The following SMC2 variants were observed in gnomAD, a reference collection of about 807,000 sequenced individuals.
The protein encoded by SMC2 is structural maintenance of chromosomes 2.
A neutral mutation model predicts 142.6 loss-of-function variants in SMC2; 41 were observed. That is an observed-to-expected ratio of 0.29 (90% CI 0.22 to 0.37). The LOEUF (loss-of-function observed/expected upper bound fraction) is 0.37. Ranked by LOEUF, SMC2 falls within the 10% of genes least tolerant of loss-of-function variation. SMC2 has a pLI of 1.00. For synonymous variants in SMC2, 463 were observed against 457.5 expected (o/e 1.01, Z -0.15); for missense variants, 1,265 against 1,373.7 (o/e 0.92, Z 1.25).
chr9:104,101,024 A>G (rs1831060337), intron 7 of SMC2, among the ~76,000 whole-genome samples: 1 of 151,990 alleles, frequency 6.6e-6, no homozygotes, highest in Non-Finnish European at 1.5e-5. Flanking sequence ...TGCAGCCTCC[A>G]CCTCCCGGTC....
intron 23 of SMC2, chr9:104,135,893 G>C: frequency 1.9e-6 from 1 of 518,710 alleles, no homozygotes; most frequent in Non-Finnish European, 3.8e-6. Flanking sequence ...CCATACTACA[G>C]GTTAAAGGAA....
intron 3 of SMC2, among the ~76,000 whole-genome samples, chr9:104,097,394 C>T (rs1353595018): frequency 3.5e-5 from 5 of 141,732 alleles, no homozygotes; most frequent in Admixed American, 2.1e-4. Flanking sequence ...GTGTGAGCCA[C>T]GGCGCCTGGC....
In SMC2 at chr9:104,139,931, C is replaced by T. The variant is rs965033535; in HGVS notation, c.*616C>T. On this transcript the variant is annotated 3_prime_UTR_variant, in exon 25 of 25. Coordinates refer to ENST00000374793, the MANE Select transcript of SMC2 (RefSeq NM_006444.3). ...CTATACGCTTAATAATTGGTCTCTA[C>T]GTTTTAATGATACATGAATATCATG... 6.6e-6 allele frequency: 1 copy of T among 151,534 alleles called. No homozygotes were observed. The highest frequency in any genetic ancestry group is 2.4e-5 in the African/African-American group (1 of 41,044). 9.4% of individuals were successfully genotyped at this position (151,534 alleles called of 1,614,324 possible).
At chr9:104,089,976 C>T (rs1345147651), upstream of SMC2, among the ~76,000 whole-genome samples, 4 of 151,806 alleles carry the variant, frequency 2.6e-5, no homozygotes, top group Non-Finnish European at 5.9e-5. Context: ...TAGTACCAGA[C>T]TTCTTTAGAG....
intron 16 of SMC2, among the ~76,000 whole-genome samples, chr9:104,121,365 A>G (rs998834033): frequency 6.6e-6 from 1 of 151,928 alleles, no homozygotes; most frequent in African/African-American, 2.4e-5. Flanking sequence ...GCGTGGTGGC[A>G]TGTGCCTGTG....
intron 21 of SMC2, among the ~76,000 whole-genome samples, chr9:104,130,046 C>T (rs1327114376): frequency 6.6e-6 from 1 of 152,058 alleles, no homozygotes; most frequent in African/African-American, 2.4e-5. Context: ...TTCTATTACA[C>T]CTGGAATGAC....
Position 104,129,695 on chromosome 9 carries a change from C to G in SMC2, c.2841C>G (p.Leu947=), listed in dbSNP as rs1466515375. 4.3e-6 allele frequency: 7 copies of G among 1,613,926 alleles called. No homozygotes were observed. Among genetic ancestry groups the G allele is most frequent in the Non-Finnish European group, 5.9e-6 (7 of 1,179,964 alleles). ...ACTGGATTAATGCAGAGAGACACCT[C>G]TTTGGCCAACCCAATAGTGCCTATG... is the stretch of plus-strand genomic sequence containing the variant. The part of the protein sequence containing the change: ...DYDWINAERH[L]FGQPNSAYDF... Residue 947 remains leucine, a synonymous_variant, in exon 21 of 25, where the codon CTC becomes CTG. Coordinates refer to ENST00000374793, the MANE Select transcript of SMC2 (RefSeq NM_006444.3).
intron 15 of SMC2, 97 bp downstream of exon 15, chr9:104,118,472 G>A: frequency 1.0e-6 from 1 of 980,556 alleles, no homozygotes; most frequent in Non-Finnish European, 1.5e-6. Context: ...ACTTCTTCAG[G>A]AAACATGTTA....
Position 104,095,421 on chromosome 9 carries a change from T to G in SMC2, c.37T>G (p.Ser13Ala). The G allele has an allele frequency of 6.2e-7, 1 of 1,613,736 alleles. No homozygotes were observed. ...IKSIILEGFK[S>A]YAQRTEVNGF... ...GTCAATTATTCTAGAGGGATTCAAG[T>G]CCTATGCTCAGAGGACCGAAGTCAA... Residue 13 changes from serine to alanine, a missense_variant, in exon 2 of 25, where the codon TCC (serine) becomes GCC (alanine). Physicochemically the swap from Ser to Ala is moderately conservative, Grantham distance 99. Around this residue, in one of 4 missense-constraint regions of SMC2, gnomAD observed 168 missense variants for 184.8 expected, o/e 0.91. Coordinates refer to ENST00000374793, the MANE Select transcript of SMC2 (RefSeq NM_006444.3).
chr9:104,098,182 G>A (rs188093364), intron 3 of SMC2, among the ~76,000 whole-genome samples: 70 of 152,250 alleles, frequency 4.6e-4, no homozygotes, highest in Middle Eastern at 3.4e-3. Context: ...AAGTTACCTC[G>A]GAGACCTAGT....
At chr9:104,103,538 C>G (rs1306541249) in intron 9 of SMC2, among the ~76,000 whole-genome samples, 1 of 152,152 alleles carries the variant, frequency 6.6e-6, no homozygotes, top group African/African-American at 2.4e-5. Flanking sequence ...CCCTTAGTAG[C>G]TGCAAGTAGG....
intron 9 of SMC2, among the ~76,000 whole-genome samples, chr9:104,106,594 C>T (rs983451718): frequency 6.6e-6 from 1 of 152,018 alleles, no homozygotes. Flanking sequence ...GGTTCCTCCA[C>T]GTTTGTCAGT....
chr9:104,137,968 A>C, intron 23 of SMC2, 50 bp from the exon 24 acceptor site: 1 of 1,406,554 alleles, frequency 7.1e-7, no homozygotes, highest in South Asian at 1.6e-5. Flanking sequence ...CAGTGTTTTG[A>C]TAAGTGATAA....
rs745947609 is a variant in SMC2 at position 104,116,230 on chromosome 9, G to A, written c.1702G>A (p.Glu568Lys). Residue 568 changes from glutamate to lysine, a missense_variant, in exon 14 of 25, where the codon GAA becomes AAA. Glu to Lys is a moderately conservative substitution (Grantham distance 56). This residue lies in a region of SMC2 where 898 missense variants were observed against 904.2 expected (regional missense o/e 0.99). Coordinates refer to ENST00000374793, the MANE Select transcript of SMC2 (RefSeq NM_006444.3). ...VTGKKLLERG[E>K]LKRRYTIIPL... The stretch of plus-strand genomic sequence containing the variant: ...TGGTAAAAAGCTACTAGAAAGGGGG[G>A]AACTGAAACGTCGATACACTATAAT... The A allele has an allele frequency of 5.0e-6, 8 of 1,603,514 alleles. No homozygotes were observed. The highest frequency in any genetic ancestry group is 1.1e-5 in the South Asian group (1 of 88,512).
At position 104,096,241 on chromosome 9, in the gene SMC2, A is replaced by G. The variant is rs773310415; in HGVS notation, c.262A>G (p.Lys88Glu). 3.7e-5 allele frequency: 59 copies of G among 1,614,080 alleles called. 1 individual carries two copies. The highest frequency in any genetic ancestry group is 8.0e-5 in the African/African-American group (6 of 74,940). ...SVSITFDNSD[K>E]KQSPLGFEVH... ...GTCAATCACTTTTGATAATTCTGAC[A>G]AAAAGCAAAGTCCTTTAGGATTTGA... The change falls in exon 3 of 25, where the codon AAA (lysine) becomes GAA (glutamate). Residue 88 changes from lysine to glutamate, a missense_variant. Around this residue, in one of 4 missense-constraint regions of SMC2, gnomAD observed 168 missense variants for 184.8 expected, o/e 0.91. Coordinates refer to ENST00000374793, the MANE Select transcript of SMC2 (RefSeq NM_006444.3).
rs545916395 is a variant in SMC2 at position 104,102,239 on chromosome 9, G to A, written c.870+46G>A. The A allele has an allele frequency of 1.3e-5, 16 of 1,210,316 alleles. No homozygotes were observed. The East Asian group carries it at 1.4e-4, about 11-fold the overall frequency. The allele number at this position is 1,210,316 out of a possible 1,614,324, so 75.0% of individuals were successfully genotyped here. A position where few individuals can be genotyped will look rare whatever the true frequency, so the allele number is the denominator to read the frequency against. On this transcript the variant is annotated intron_variant, in intron 8 of 24. Coordinates refer to ENST00000374793, the MANE Select transcript of SMC2 (RefSeq NM_006444.3). ...ATCGATAATATACTCTGTGAAAAAC[G>A]TACTAAATTATATATAGTAACTATT...
chr9:104,090,655 T>A (rs1370764061), upstream of SMC2, among the ~76,000 whole-genome samples: 1 of 152,134 alleles, frequency 6.6e-6, no homozygotes, highest in Non-Finnish European at 1.5e-5. Context: ...AGAGCTACGG[T>A]ATGCTGGCAG....
rs766677630 is a variant in SMC2 at position 104,118,258 on chromosome 9, A to G, written c.1879A>G (p.Thr627Ala). The G allele has an allele frequency of 8.7e-6, 14 of 1,613,782 alleles. No individual in the cohort carries two copies. Among genetic ancestry groups the G allele is most frequent in the South Asian group, 1.1e-5 (1 of 91,064 alleles). The change falls in exon 15 of 25, where the codon ACA becomes GCA. Residue 627 changes from threonine to alanine, a missense_variant. By Grantham distance (58) the Thr-to-Ala change is moderately conservative. Coordinates refer to ENST00000374793, the MANE Select transcript of SMC2 (RefSeq NM_006444.3). The stretch of plus-strand genomic sequence containing the variant: ...AGCAATGGAGTTTGTCTTTGGAACA[A>G]CATTTGTTTGTGACAATATGGATAA... ...QKAMEFVFGT[T>A]FVCDNMDNAK...
At chr9:104,119,204 G>A (rs1356462840) in intron 15 of SMC2, among the ~76,000 whole-genome samples, 1 of 152,114 alleles carries the variant, frequency 6.6e-6, no homozygotes. Context: ...ATCTGCAAAT[G>A]GAAGATAAAA....
Sources: gnomAD v4.1 joint callset for allele counts (sites outside exome capture counted in the v4.1 genomes callset) on GRCh38, gnomAD v4.1.1 for gene constraint, gnomAD v4.1.1 regional missense constraint, MANE v1.5 for transcripts, NCBI Gene and HGNC (gene_info 2026-07-23, HGNC 2026-07-21) for gene names.